Variants in CCDC63 observed in about 807,000 individuals in gnomAD.
The protein encoded by CCDC63 is coiled-coil domain containing 63.
Under a neutral mutation model 63.6 loss-of-function variants are expected in CCDC63, and 54 were observed. That is an observed-to-expected ratio of 0.85 (90% CI 0.68 to 1.07). CCDC63 has a LOEUF of 1.07. CCDC63 is among the 50% of genes least tolerant of loss of function. The pLI, the probability that CCDC63 is intolerant of heterozygous loss-of-function variation, is 0.00. For synonymous variants in CCDC63, 253 were observed against 266.1 expected, an observed-to-expected ratio of 0.95 and a Z score of 0.48; for missense variants, 637 against 689.6, an observed-to-expected ratio of 0.92 and a Z score of 0.86.
intron 4 of CCDC63, among the ~76,000 whole-genome samples, chr12:110,862,697 A>T (rs1318462542): frequency 6.6e-6 from 1 of 151,956 alleles, no homozygotes; most frequent in African/African-American, 2.4e-5. Context: ...CAGTCTGGAG[A>T]TGCCGCCCTT....
chr12:110,879,511 T>A (rs1056660020), intron 5 of CCDC63, among the ~76,000 whole-genome samples: 2 of 152,214 alleles, frequency 1.3e-5, no homozygotes, highest in Non-Finnish European at 2.9e-5. Flanking sequence ...ACCCAATTTT[T>A]TTTTCATGCT....
At chr12:110,848,954 TAGTC>T (rs2070672455) in intron 1 of CCDC63, among the ~76,000 whole-genome samples, 1 of 152,176 alleles carries the variant, frequency 6.6e-6, no homozygotes. Context: ...CAAACCTTGT[TAGTC>T]AGGTAAATCC....
intron 1 of CCDC63, among the ~76,000 whole-genome samples, chr12:110,847,710 G>T (rs934495033): frequency 6.6e-6 from 1 of 152,112 alleles, no homozygotes; most frequent in African/African-American, 2.4e-5. Context: ...TGTTTGGCTA[G>T]TGCCCTAAGC....
chr12:110,883,876 G>A (rs1324822456), intron 7 of CCDC63, among the ~76,000 whole-genome samples, 154 bp from the exon 8 acceptor site: 1 of 152,156 alleles, frequency 6.6e-6, no homozygotes, highest in East Asian at 1.9e-4. Flanking sequence ...CTGACCTCAG[G>A]TGATCTGCCT....
At chr12:110,898,568 A>G (rs1360807081) in intron 9 of CCDC63, among the ~76,000 whole-genome samples, 1 of 150,220 alleles carries the variant, frequency 6.7e-6, no homozygotes, top group African/African-American at 2.5e-5. Context: ...CAGTGAGCTG[A>G]GATCATGCCA....
intron 1 of CCDC63, among the ~76,000 whole-genome samples, chr12:110,847,934 C>T (rs1034376360): frequency 5.3e-5 from 8 of 152,226 alleles, no homozygotes; most frequent in Non-Finnish European, 1.0e-4. Flanking sequence ...ACTGTATTTG[C>T]CAAGAGCTGC....
intron 8 of CCDC63, among the ~76,000 whole-genome samples, chr12:110,890,709 C>T (rs1039823247): frequency 4.6e-5 from 7 of 151,202 alleles, no homozygotes; most frequent in Admixed American, 1.3e-4. Flanking sequence ...ATTCTGTAAA[C>T]GTTTTGTTTC....
chr12:110,888,265 C>G (rs1004551797), intron 8 of CCDC63, among the ~76,000 whole-genome samples: 1 of 152,202 alleles, frequency 6.6e-6, no homozygotes, highest in Non-Finnish European at 1.5e-5. Flanking sequence ...ACCCTGAATT[C>G]TCGGGTCCCA....
upstream of CCDC63, among the ~76,000 whole-genome samples, chr12:110,845,020 G>T (rs943307531): frequency 6.6e-6 from 1 of 152,122 alleles, no homozygotes; most frequent in Non-Finnish European, 1.5e-5. Context: ...CATCGCTTTG[G>T]CAAGCTGGCA....
Position 110,868,488 on chromosome 12 carries a change from G to A in CCDC63, c.370-5354G>A, listed in dbSNP as rs572769169. On this transcript the variant is annotated intron_variant, in intron 4 of 11. Transcript: ENST00000308208. ...ACTCCGTCTGCAATCCCGGCACCTC[G>A]GGAGGCCGAGGTTGGCGGATCACTC... Among the ~76,000 whole-genome samples, 183 of 150,114 alleles carry A rather than the reference G, an allele frequency of 1.2e-3. 1 individual carries two copies. Among genetic ancestry groups the A allele is most frequent in the African/African-American group, 4.3e-3 (176 of 40,894 alleles).
intron 4 of CCDC63, among the ~76,000 whole-genome samples, chr12:110,867,912 G>A (rs1424766348): frequency 2.0e-4 from 30 of 148,416 alleles, no homozygotes; most frequent in Non-Finnish European, 3.7e-4. Context: ...GCTGCCAGGC[G>A]GAGAGGCTCC....
At chr12:110,905,890 A>AATATTATATATAATAT (rs1566144324) in intron 11 of CCDC63, among the ~76,000 whole-genome samples, 1 of 11,434 alleles carries the variant, frequency 8.7e-5, no homozygotes, top group African/African-American at 2.7e-4. Context: ...GTATATATAT[A>AATATTATATATAATAT]ATATTATATA....
chr12:110,898,341 G>A (rs891415568), intron 9 of CCDC63, among the ~76,000 whole-genome samples: 7 of 151,504 alleles, frequency 4.6e-5, no homozygotes, highest in Non-Finnish European at 1.0e-4. Flanking sequence ...AAATATTGTA[G>A]GCTGGGCGTG....
intron 4 of CCDC63, among the ~76,000 whole-genome samples, chr12:110,871,796 C>G (rs553960895): frequency 1.3e-5 from 2 of 152,220 alleles, no homozygotes; most frequent in East Asian, 3.9e-4. Flanking sequence ...CAAACCACCC[C>G]CAAGGAACCT....
intron 8 of CCDC63, among the ~76,000 whole-genome samples, chr12:110,888,095 C>T (rs1317037393): frequency 1.3e-5 from 2 of 152,224 alleles, no homozygotes; most frequent in African/African-American, 4.8e-5. Context: ...GCTCCCTCTT[C>T]GCTCACAGAG....
At chr12:110,845,550 A>G (rs552493203), upstream of CCDC63, 1 of 152,360 alleles carries the variant, frequency 6.6e-6, no homozygotes, top group East Asian at 1.9e-4. Context: ...GTAGCTGTTC[A>G]TAATCTATCC....
At chr12:110,892,875 T>C (rs916560842) in intron 8 of CCDC63, among the ~76,000 whole-genome samples, 36 of 150,628 alleles carry the variant, frequency 2.4e-4, no homozygotes, top group Non-Finnish European at 4.4e-5. Flanking sequence ...CCTTTCATGC[T>C]CTCACCCTCC....
rs561767405 is a variant in CCDC63, at chr12:110,884,051, T to C, written c.875T>C (p.Val292Ala). The change falls in exon 8 of 12, where the codon GTC (valine) becomes GCC (alanine). Residue 292 changes from valine (V) to alanine (A), a missense_variant. Physicochemically the swap from Val to Ala is moderately conservative, Grantham distance 64. Transcript: ENST00000308208. Reference sequence around the variant, plus strand: ...CTAGCTCTCAAGGCAAAGAAGCATGTCAAGAAGAACAGGGGAGAGAGTTTT... The same window carrying C: ...CTAGCTCTCAAGGCAAAGAAGCATGCCAAGAAGAACAGGGGAGAGAGTTTT... Reference protein sequence around the residue: ...REEALKAKKHVKKNRGESFES... With the variant: ...REEALKAKKHAKKNRGESFES... 1.2e-6 allele frequency: 2 copies of C among 1,613,916 alleles called. No homozygotes were observed. Among genetic ancestry groups the C allele is most frequent in the African/African-American group, 2.7e-5 (2 of 75,006 alleles).
chr12:110,892,796 G>A (rs2071372718), intron 8 of CCDC63, among the ~76,000 whole-genome samples: 1 of 150,232 alleles, frequency 6.7e-6, no homozygotes, highest in South Asian at 2.1e-4. Flanking sequence ...TCCAGCCTAG[G>A]CATCGCAGCG....
Sources: allele counts gnomAD v4.1 joint callset (sites outside exome capture counted in the v4.1 genomes callset), GRCh38; gene constraint gnomAD v4.1.1; transcripts MANE v1.5; gene names NCBI Gene and HGNC (gene_info 2026-07-23, HGNC 2026-07-21).